Variants in B4GALT5 observed in about 807,000 individuals in gnomAD.
B4GALT5 encodes the protein beta-1,4-galactosyltransferase 5, also known as UDP-Gal:beta-GlcNAc beta-1,4-galactosyltransferase 5.
A neutral mutation model predicts 45.0 loss-of-function variants in B4GALT5; 11 were observed. That is an observed-to-expected ratio of 0.24 (90% confidence interval 0.15 to 0.40). The LOEUF (loss-of-function observed/expected upper bound fraction) is 0.40, where lower values mean the gene tolerates loss of function less well. B4GALT5 is among the 10% of genes least tolerant of loss of function. The pLI is 1.00. For synonymous variants in B4GALT5, 185 were observed against 182.9 expected (o/e 1.01, Z -0.09); for missense variants, 337 against 500.2 (o/e 0.67, Z 3.11).
rs138143799 is a variant in B4GALT5 at position 49,666,280 on chromosome 20, T to C, written c.116-9578A>G. On this transcript the variant is annotated intron_variant, in intron 1 of 8. Coordinates refer to ENST00000371711, the MANE Select transcript of B4GALT5 (RefSeq NM_004776.4). ...GAGCAATGCAGAGGAACACCACATCTCCATGGCATGTAGAGTGGAGGGAAA... is the reference window on the plus strand; with the variant it reads ...GAGCAATGCAGAGGAACACCACATCCCCATGGCATGTAGAGTGGAGGGAAA... Among the ~76,000 whole-genome samples the C allele has an allele frequency of 1.1e-4, 17 of 152,258 alleles. No homozygotes were observed. The Middle Eastern group carries it at 0.01, about 91-fold the overall frequency.
chr20:49,676,331 G>A (rs2146346710), intron 1 of B4GALT5, among the ~76,000 whole-genome samples: 1 of 152,248 alleles, frequency 6.6e-6, no homozygotes, highest in South Asian at 2.1e-4. Flanking sequence ...TCCACAGAAA[G>A]ACTTTCTTGA....
chr20:49,678,238 A>G (rs1366501813), intron 1 of B4GALT5, among the ~76,000 whole-genome samples: 2 of 152,250 alleles, frequency 1.3e-5, no homozygotes, highest in Non-Finnish European at 2.9e-5. Context: ...GTCCTGGGCT[A>G]AACTAAAAGA....
At chr20:49,643,328 C>T (rs1209059687) in intron 4 of B4GALT5, among the ~76,000 whole-genome samples, 198 bp downstream of exon 4, 2 of 152,138 alleles carry the variant, frequency 1.3e-5, no homozygotes, top group East Asian at 1.9e-4. Context: ...CTTGCTCGGT[C>T]ATCAGAATAA....
chr20:49,640,396 T>A, intron 6 of B4GALT5, 82 bp downstream of exon 6: 1 of 1,268,418 alleles, frequency 7.9e-7, no homozygotes. Context: ...GCATCTAGGT[T>A]GCAGCTAATT....
chr20:49,646,893 C>G (rs1057322201), intron 3 of B4GALT5, 72 bp downstream of exon 3: 3 of 897,108 alleles, frequency 3.3e-6, no homozygotes, highest in African/African-American at 1.7e-5. Context: ...TGCAGGCAGA[C>G]AGAGAGATCA....
rs1331014298 is a variant in B4GALT5 at position 49,633,496 on chromosome 20, C to A, written c.*2816G>T. ...TTAACAGCACACGGGCCTGGCTGTA[C>A]GTTTTTAACTATGACATTTCCCATA... On this transcript the variant is annotated 3_prime_UTR_variant, in exon 9 of 9. Coordinates refer to ENST00000371711, the MANE Select transcript of B4GALT5 (RefSeq NM_004776.4). 1 of 150,702 alleles carries A rather than the reference C, an allele frequency of 6.6e-6. No homozygotes were observed. Among genetic ancestry groups the A allele is most frequent in the Middle Eastern group, 3.4e-3 (1 of 294 alleles). 9.3% of individuals were successfully genotyped at this position (150,702 alleles called of 1,614,324 possible).
intron 1 of B4GALT5, among the ~76,000 whole-genome samples, chr20:49,675,701 C>G (rs1271146382): frequency 6.6e-6 from 1 of 152,202 alleles, no homozygotes; most frequent in African/African-American, 2.4e-5. Flanking sequence ...GATACAAAAC[C>G]TCATGTGACT....
chr20:49,636,792 C>T (rs2085555676), intron 8 of B4GALT5, among the ~76,000 whole-genome samples: 1 of 152,076 alleles, frequency 6.6e-6, no homozygotes, highest in African/African-American at 2.4e-5. Context: ...ATTAAAAATA[C>T]AACAGATGAG....
chr20:49,668,871 C>CT (rs1211404044), intron 1 of B4GALT5, among the ~76,000 whole-genome samples: 18 of 150,674 alleles, frequency 1.2e-4, no homozygotes, highest in South Asian at 1.1e-3. Flanking sequence ...TCATACTAAG[C>CT]TTTTTTTTTA....
rs1018771474 is a variant in B4GALT5, at chr20:49,636,472, G to T, written c.1020-13C>A. ...CAGCAGAGCATACCTGTTTAGGGAG[G>T]GAACAGAGAAGAGGTGGCTCTGAGT... On this transcript the variant is annotated splice_polypyrimidine_tract_variant and intron_variant, in intron 8 of 8. Transcript: ENST00000371711. 2 of 1,613,866 alleles carry T rather than the reference G, an allele frequency of 1.2e-6. No individual in the cohort carries two copies. Among genetic ancestry groups the T allele is most frequent in the Non-Finnish European group, 1.7e-6 (2 of 1,179,846 alleles).
In B4GALT5 at chr20:49,633,420, A is replaced by G. The variant is rs1300215289; in HGVS notation, c.*2892T>C. 1 of 135,604 alleles carries G rather than the reference A, an allele frequency of 7.4e-6. No homozygotes were observed. The highest frequency in any genetic ancestry group is 2.2e-4 in the East Asian group (1 of 4,616). The allele number at this position is 135,604 out of a possible 1,614,324, so 8.4% of individuals were successfully genotyped here. On this transcript the variant is annotated 3_prime_UTR_variant, in exon 9 of 9. Coordinates refer to ENST00000371711, the MANE Select transcript of B4GALT5 (RefSeq NM_004776.4). ...GATTTTCAGCTACCAATATATGCAC[A>G]AGGTCACATTTGGTTCCTGTTTTTT...
At chr20:49,657,297 C>T (rs2085647526) in intron 1 of B4GALT5, among the ~76,000 whole-genome samples, 1 of 152,132 alleles carries the variant, frequency 6.6e-6, no homozygotes, top group South Asian at 2.1e-4. Context: ...CATCCCAGCC[C>T]AAAAGTCCAA....
rs11452162 is a variant in B4GALT5, at chr20:49,703,165, CA to C, written c.115+10410del. On this transcript the variant is annotated intron_variant, in intron 1 of 8. Transcript: ENST00000371711. ...CTCCAGCCTGGGCGAGACTCCGTCT[CA>C]AAAAAAAAAAAAAAAAAAAGTGATT... Among the ~76,000 whole-genome samples the C allele has an allele frequency of 5.4e-3, 490 of 91,220 alleles. 2 individuals carry two copies. Among genetic ancestry groups the C allele is most frequent in the African/African-American group, 0.018 (396 of 21,466 alleles). 59.8% of individuals were successfully genotyped at this position (91,220 alleles called of 152,430 possible). A position where few individuals can be genotyped will look rare whatever the true frequency, so the allele number is the denominator to read the frequency against.
In B4GALT5 at chr20:49,667,945, G is replaced by C. The variant is rs150035374; in HGVS notation, c.116-11243C>G. 2.8e-3 allele frequency among the ~76,000 whole-genome samples: 430 copies of C among 152,116 alleles called. 2 individuals carry two copies. The highest frequency in any genetic ancestry group is 4.6e-3 in the Non-Finnish European group (314 of 67,988). On this transcript the variant is annotated intron_variant, in intron 1 of 8. Transcript: ENST00000371711. ...AAGAGAGAAAATACAGCTTTTTTAA[G>C]ATACAAGGAATTTTTGGCAGCAAAA...
Position 49,636,420 on chromosome 20 carries a change from C to T in B4GALT5, c.1059G>A (p.Leu353=), listed in dbSNP as rs888855557. ...LLRKSKERQG[L]DGLNNLNYFA... is the part of the protein sequence containing the mutation. ...AGTAGTTCAGGTTGTTGAGGCCATC[C>T]AGCCCTTGCCGTTCTTTTGACTTCC... The change falls in exon 9 of 9, where the codon CTG becomes CTA. Residue 353 remains leucine (L), a synonymous_variant. Transcript: ENST00000371711. 1 of 1,614,158 alleles carries T rather than the reference C, an allele frequency of 6.2e-7. No individual in the cohort carries two copies. Among genetic ancestry groups the T allele is most frequent in the Admixed American group, 1.7e-5 (1 of 60,022 alleles).
intron 1 of B4GALT5, among the ~76,000 whole-genome samples, chr20:49,693,265 A>T (rs898037667): frequency 2.0e-5 from 3 of 152,206 alleles, no homozygotes; most frequent in Admixed American, 1.3e-4. Flanking sequence ...TCAGAATATC[A>T]ATCACGGTAG....
intron 3 of B4GALT5, among the ~76,000 whole-genome samples, chr20:49,645,231 G>A (rs1180940970): frequency 1.3e-5 from 2 of 151,850 alleles, no homozygotes; most frequent in African/African-American, 4.8e-5. Context: ...TACAATCAGT[G>A]AGAGGTTTAT....
chr20:49,656,393 T>A (rs867322728), intron 2 of B4GALT5, among the ~76,000 whole-genome samples, 175 bp downstream of exon 2: 1 of 152,218 alleles, frequency 6.6e-6, no homozygotes, highest in Non-Finnish European at 1.5e-5. Context: ...AGTCATATTG[T>A]TAACAAAAAT....
At chr20:49,694,839 TACAC>T (rs71339447) in intron 1 of B4GALT5, among the ~76,000 whole-genome samples, 3 of 149,702 alleles carry the variant, frequency 2.0e-5, no homozygotes, top group Non-Finnish European at 3.0e-5. Context: ...GACAGACAGA[TACAC>T]ACACACACAC....
Sources: gnomAD v4.1 joint callset for allele counts (sites outside exome capture counted in the v4.1 genomes callset) on GRCh38, gnomAD v4.1.1 for gene constraint, MANE v1.5 for transcripts, NCBI Gene and HGNC (gene_info 2026-07-23, HGNC 2026-07-21) for gene names.